ZNF560: variants seen among roughly 807,000 people sequenced by gnomAD.
ZNF560 encodes the protein zinc finger protein 560.
In ZNF560, 54 loss-of-function variants were observed where a neutral mutation model predicts 81.8. That is an observed-to-expected ratio of 0.66 (90% CI 0.53 to 0.83). The LOEUF (loss-of-function observed/expected upper bound fraction) is 0.83. Ranked by LOEUF, ZNF560 falls within the 40% of genes least tolerant of loss-of-function variation. The pLI is 0.00. For missense variants in ZNF560, 940 were observed against 932.4 expected (o/e 1.01, Z -0.11); for synonymous variants, 321 against 317.9 (o/e 1.01, Z -0.10).
rs754071447 is a variant in ZNF560, at chr19:9,467,488, G to A, written c.1459C>T (p.Arg487Cys). 3.5e-5 allele frequency: 56 copies of A among 1,613,964 alleles called. No individual in the cohort carries two copies. Among genetic ancestry groups the A allele is most frequent in the South Asian group, 6.6e-5 (6 of 91,078 alleles). ...EDRRSNTGQK[R>C]FDCDQCGKVF... ...TTCCCACACTGGTCACAATCAAAGC[G>A]TTTCTGTCCTGTGTTACTTCTTCTA... Residue 487 changes from arginine to cysteine, a missense_variant, in exon 10 of 10, where the codon CGC (arginine) becomes TGC (cysteine). Physicochemically the swap from Arg to Cys is radical, Grantham distance 180. Coordinates refer to ENST00000301480, the MANE Select transcript of ZNF560 (RefSeq NM_152476.3).
the ZNF560 span, among the ~76,000 whole-genome samples, chr19:9,459,206 C>T: frequency 6.6e-6 from 1 of 152,180 alleles, no homozygotes; most frequent in Non-Finnish European, 1.5e-5. Context: ...AAGGGGGAGA[C>T]AGTGACTATA....
chr19:9,471,510 C>T, intron 5 of ZNF560, 132 bp from the exon 6 acceptor site: 1 of 608,508 alleles, frequency 1.6e-6, no homozygotes, highest in Non-Finnish European at 2.6e-6. Flanking sequence ...CTAAATTGAA[C>T]ATTTAGACTG....
Position 9,469,651 on chromosome 19 carries a change from T to C in ZNF560, c.508A>G (p.Thr170Ala). 4.3e-6 allele frequency: 7 copies of C among 1,614,190 alleles called. No homozygotes were observed. The highest frequency in any genetic ancestry group is 5.9e-6 in the Non-Finnish European group (7 of 1,180,020). Reference sequence around the variant, plus strand: ...TCACCTTGGAGAACTCTTGGCAGTGTGCTCAACTCTTCCTCTTCCTCCAGC... The same window carrying C: ...TCACCTTGGAGAACTCTTGGCAGTGCGCTCAACTCTTCCTCTTCCTCCAGC... ...SWLEEEEELS[T>A]LPRVLQEWKM... Residue 170 changes from threonine to alanine, a missense_variant, in exon 8 of 10, where the codon ACA becomes GCA. By Grantham distance (58) the Thr-to-Ala change is moderately conservative. Transcript: ENST00000301480.
rs555879766 is a variant in ZNF560, at chr19:9,489,675, C to T, written c.-57+8453G>A. Among the ~76,000 whole-genome samples the T allele has an allele frequency of 1.6e-4, 24 of 152,226 alleles. No homozygotes were observed. In the South Asian group the frequency reaches 2.5e-3, roughly 16 times the overall value. On this transcript the variant is annotated intron_variant, in intron 2 of 9. Transcript: ENST00000301480. ...CGTGACCTCGGCTCACCGCAAGCTC[C>T]GCCTCCTAGGTTCACACCATTCTCC...
intron 2 of ZNF560, among the ~76,000 whole-genome samples, chr19:9,488,797 T>C (rs1388400523): frequency 6.6e-6 from 1 of 152,218 alleles, no homozygotes; most frequent in Non-Finnish European, 1.5e-5. Flanking sequence ...TGTGGAACTG[T>C]AGTCCCCAGT....
downstream of ZNF560, among the ~76,000 whole-genome samples, chr19:9,462,514 C>T (rs185944854): frequency 3.7e-3 from 565 of 152,280 alleles, 3 homozygotes; most frequent in Non-Finnish European, 6.0e-3. Context: ...GCCCCCTGAT[C>T]CCACTTTGCA....
At chr19:9,464,670 A>T (rs2072987192), downstream of ZNF560, among the ~76,000 whole-genome samples, 1 of 151,954 alleles carries the variant, frequency 6.6e-6, no homozygotes, top group African/African-American at 2.4e-5. Context: ...CAAAAAGAGA[A>T]TCTACACTGT....
chr19:9,494,911 A>AAAAC (rs551634610), intron 2 of ZNF560, among the ~76,000 whole-genome samples: 20 of 151,310 alleles, frequency 1.3e-4, no homozygotes, highest in African/African-American at 4.9e-4. Flanking sequence ...GTCTCAAAAA[A>AAAAC]AAACAAACAA....
chr19:9,447,369 A>G, the ZNF560 span, among the ~76,000 whole-genome samples: 3 of 152,126 alleles, frequency 2.0e-5, no homozygotes, highest in African/African-American at 7.2e-5. Flanking sequence ...CTCTCACTCT[A>G]CAGCAATGGT....
chr19:9,490,765 G>C (rs1158023517), intron 2 of ZNF560, among the ~76,000 whole-genome samples: 1 of 152,192 alleles, frequency 6.6e-6, no homozygotes, highest in Non-Finnish European at 1.5e-5. Context: ...GTAACAAGAA[G>C]TCTCAAGTCT....
downstream of ZNF560, among the ~76,000 whole-genome samples, chr19:9,464,084 T>C (rs1013296107): frequency 1.8e-4 from 28 of 152,196 alleles, no homozygotes; most frequent in Admixed American, 1.3e-3. Flanking sequence ...CCTTAATTGC[T>C]GTACATGATA....
chr19:9,460,992 C>G, the ZNF560 span, among the ~76,000 whole-genome samples: 1 of 152,102 alleles, frequency 6.6e-6, no homozygotes, highest in Admixed American at 6.6e-5. Flanking sequence ...TAAGAAGTAC[C>G]GCAAGAGTTC....
intron 2 of ZNF560, among the ~76,000 whole-genome samples, chr19:9,489,371 C>G (rs570461618): frequency 2.6e-5 from 4 of 152,050 alleles, no homozygotes; most frequent in African/African-American, 9.7e-5. Context: ...AGGGTGGTGG[C>G]CAGGCAGAGG....
intron 2 of ZNF560, among the ~76,000 whole-genome samples, chr19:9,485,032 A>G (rs1352065766): frequency 6.6e-6 from 1 of 152,108 alleles, no homozygotes; most frequent in Non-Finnish European, 1.5e-5. Context: ...CCTACCAAAC[A>G]CTAAATACTA....
Position 9,470,463 on chromosome 19 carries a change from A to G in ZNF560, c.377T>C (p.Leu126Ser), listed in dbSNP as rs1599652370. The G allele has an allele frequency of 1.9e-6, 3 of 1,614,170 alleles. No homozygotes were observed. Among genetic ancestry groups the G allele is most frequent in the East Asian group, 4.5e-5 (2 of 44,882 alleles). The part of the protein sequence containing the change: ...AVEFTQEEWT[L>S]LDPAQRNLYS... The stretch of plus-strand genomic sequence containing the variant: ...CAGGTTTCTCTGAGCTGGGTCCAGT[A>G]AAGTCCACTCTTCCTGGGTGAACTC... Residue 126 changes from leucine to serine, a missense_variant, in exon 7 of 10, where the codon TTA becomes TCA. Leu to Ser is a moderately radical substitution (Grantham distance 145). Transcript: ENST00000301480.
chr19:9,472,015 C>T (rs2073130057), intron 5 of ZNF560, among the ~76,000 whole-genome samples: 1 of 151,522 alleles, frequency 6.6e-6, no homozygotes, highest in Non-Finnish European at 1.5e-5. Flanking sequence ...GAGGCTGAGG[C>T]AGGAGAATGG....
chr19:9,474,331 C>A lies in ZNF560; in HGVS notation c.31-6G>T, dbSNP rs367994878. 1.9e-6 allele frequency: 3 copies of A among 1,606,400 alleles called. No homozygotes were observed. In the African/African-American group the frequency reaches 4.0e-5, roughly 22 times the overall value. On this transcript the variant is annotated splice_region_variant and splice_polypyrimidine_tract_variant and intron_variant, in intron 3 of 9. Coordinates refer to ENST00000301480, the MANE Select transcript of ZNF560 (RefSeq NM_152476.3). ...TCCTCAAAGGTCACGGAGTACTAAA[C>A]CATCACATACATGTTGATTTGAGCC...
At chr19:9,447,799 A>C in the ZNF560 span, among the ~76,000 whole-genome samples, 1 of 152,230 alleles carries the variant, frequency 6.6e-6, no homozygotes, top group Admixed American at 6.5e-5. Context: ...ACTTGAGAGA[A>C]TAATTTAAGA....
chr19:9,484,254 T>C (rs1428597305), intron 2 of ZNF560, among the ~76,000 whole-genome samples: 2 of 139,858 alleles, frequency 1.4e-5, no homozygotes, highest in Non-Finnish European at 3.1e-5. Flanking sequence ...TCCTGCCAAA[T>C]CCCCCTCTGT....
Sources: gnomAD v4.1 joint callset for allele counts (sites outside exome capture counted in the v4.1 genomes callset) on GRCh38, gnomAD v4.1.1 for gene constraint, MANE v1.5 for transcripts, NCBI Gene and HGNC (gene_info 2026-07-23, HGNC 2026-07-21) for gene names.